The following THRAP3 variants were observed in gnomAD, a reference collection of about 807,000 sequenced individuals.
The protein encoded by THRAP3 is thyroid hormone receptor-associated protein 3.
A neutral mutation model predicts 101.0 loss-of-function variants in THRAP3; 16 were observed. The ratio of observed to expected loss-of-function variants is 0.16; its 90% CI spans 0.11 to 0.24. THRAP3 has a LOEUF of 0.24. Ranked by LOEUF, THRAP3 falls within the 10% of genes least tolerant of loss-of-function variation. THRAP3 has a pLI of 1.00. For missense variants in THRAP3, 989 were observed against 1,202.7 expected (o/e 0.82, Z 2.63); for synonymous variants, 407 against 422.6 (o/e 0.96, Z 0.45).
intron 2 of THRAP3, among the ~76,000 whole-genome samples, chr1:36,273,297 C>T (rs543683130): frequency 7.9e-4 from 121 of 152,294 alleles, no homozygotes; most frequent in African/African-American, 2.6e-3. Flanking sequence ...AGCGCAGGCT[C>T]ACATGGAGTC....
At chr1:36,263,004 G>A (rs1270800697) in intron 2 of THRAP3, among the ~76,000 whole-genome samples, 1 of 147,340 alleles carries the variant, frequency 6.8e-6, no homozygotes, top group Non-Finnish European at 1.5e-5. Context: ...TAGAGATGGG[G>A]TTTCACTGTG....
intron 1 of THRAP3, among the ~76,000 whole-genome samples, chr1:36,225,796 C>T (rs1644955860): frequency 6.6e-6 from 1 of 152,038 alleles, no homozygotes; most frequent in African/African-American, 2.4e-5. Flanking sequence ...TGTTCTTTGC[C>T]GGGAGATGTA....
chr1:36,288,987 A>G, intron 4 of THRAP3, 73 bp from the exon 5 acceptor site: 3 of 1,407,458 alleles, frequency 2.1e-6, no homozygotes, highest in Non-Finnish European at 2.8e-6. Context: ...AAAAACCAAA[A>G]ACGGTAAGGC....
intron 1 of THRAP3, among the ~76,000 whole-genome samples, chr1:36,237,468 CA>C (rs1222944821): frequency 0.062 from 3,142 of 50,954 alleles, 32 homozygotes; most frequent in Non-Finnish European, 0.087. Flanking sequence ...AACTTCATCT[CA>C]AAAAAAAAAA....
intron 1 of THRAP3, among the ~76,000 whole-genome samples, chr1:36,239,794 AT>A (rs1194376578): frequency 6.6e-6 from 1 of 152,200 alleles, no homozygotes; most frequent in Non-Finnish European, 1.5e-5. Context: ...ATTTGTTAGC[AT>A]TTGCTTAATT....
At chr1:36,301,479 A>G in intron 10 of THRAP3, 74 bp from the exon 11 acceptor site, 1 of 1,553,340 alleles carries the variant, frequency 6.4e-7, no homozygotes, top group Non-Finnish European at 8.7e-7. Flanking sequence ...AAAATGTTTG[A>G]ACAAAAAGCA....
chr1:36,264,226 G>C (rs1382119290), intron 2 of THRAP3, among the ~76,000 whole-genome samples: 1 of 152,176 alleles, frequency 6.6e-6, no homozygotes, highest in African/African-American at 2.4e-5. Flanking sequence ...TATGAAATCT[G>C]TTTACTCCCA....
At chr1:36,223,409 A>C (rs1644919253), upstream of THRAP3, among the ~76,000 whole-genome samples, 1 of 152,148 alleles carries the variant, frequency 6.6e-6, no homozygotes, top group African/African-American at 2.4e-5. Flanking sequence ...ATCAAAACTG[A>C]TCTCGGCTCT....
At chr1:36,235,837 A>T (rs1455697820) in intron 1 of THRAP3, among the ~76,000 whole-genome samples, 2 of 152,194 alleles carry the variant, frequency 1.3e-5, no homozygotes, top group African/African-American at 4.8e-5. Context: ...TGCTTATGGT[A>T]CATTCATATA....
In THRAP3 at chr1:36,268,137, G is replaced by A. The variant is rs554755102; in HGVS notation, c.-32+8653G>A. 2.6e-5 allele frequency among the ~76,000 whole-genome samples: 4 copies of A among 151,872 alleles called. No individual in the cohort carries two copies. In the South Asian group the frequency reaches 8.3e-4, roughly 32 times the overall value. ...GAAGATTGTAGTGAGCCGAGATCAT[G>A]TGCCACTGTACTCCAGCCTGGGCAA... On this transcript the variant is annotated intron_variant, in intron 2 of 11. Transcript: ENST00000354618.
intron 1 of THRAP3, among the ~76,000 whole-genome samples, chr1:36,250,842 G>T (rs558102656): frequency 6.6e-6 from 1 of 152,146 alleles, no homozygotes; most frequent in East Asian, 2.0e-4. Context: ...CACCTCCTGG[G>T]CTCAAGCGAT....
chr1:36,301,746 G>A (rs754009163), intron 11 of THRAP3, 50 bp downstream of exon 11: 1 of 1,568,682 alleles, frequency 6.4e-7, no homozygotes, highest in Non-Finnish European at 8.6e-7. Context: ...TTGACACACA[G>A]AGTAGCTGAT....
Position 36,289,295 on chromosome 1 carries a change from C to T in THRAP3, c.1276C>T (p.His426Tyr). Reference protein sequence around the residue: ...DDFEKKMADFHKEEMDDQDKD... With the variant: ...DDFEKKMADFYKEEMDDQDKD... ...CTTTGAGAAGAAGATGGCTGACTTCCACAAGGAGGAGATGGATGATCAAGA... is the reference window on the plus strand; with the variant it reads ...CTTTGAGAAGAAGATGGCTGACTTCTACAAGGAGGAGATGGATGATCAAGA... The change falls in exon 5 of 12, where the codon CAC (histidine) becomes TAC (tyrosine). Residue 426 changes from histidine to tyrosine, a missense_variant. Physicochemically the swap from His to Tyr is moderately conservative, Grantham distance 83 (BLOSUM62 2). Coordinates refer to ENST00000354618, the MANE Select transcript of THRAP3 (RefSeq NM_005119.4). The T allele has an allele frequency of 6.2e-7, 1 of 1,613,990 alleles. No homozygotes were observed. Among genetic ancestry groups the T allele is most frequent in the African/African-American group, 1.3e-5 (1 of 74,964 alleles).
At chr1:36,231,372 T>A (rs1645026073) in intron 1 of THRAP3, among the ~76,000 whole-genome samples, 1 of 152,168 alleles carries the variant, frequency 6.6e-6, no homozygotes, top group Non-Finnish European at 1.5e-5. Context: ...ATGTGTTCAG[T>A]GTACTCACTT....
At chr1:36,246,033 A>G (rs1471722326) in intron 1 of THRAP3, among the ~76,000 whole-genome samples, 1 of 152,130 alleles carries the variant, frequency 6.6e-6, no homozygotes, top group East Asian at 1.9e-4. Flanking sequence ...TATAATCTGC[A>G]TTTTACAGAT....
At position 36,287,270 on chromosome 1, in the gene THRAP3, G is replaced by T; in HGVS notation, c.1040G>T (p.Arg347Met). Reference sequence around the variant, plus strand: ...TCAGGAGGAGCAGCCTATACAAAGAGGCAAGTATCTCATTTCCCCTGCCTG... The same window carrying T: ...TCAGGAGGAGCAGCCTATACAAAGATGCAAGTATCTCATTTCCCCTGCCTG... ...AASGGAAYTK[R>M]YLEEQKTENG... Residue 347 changes from arginine (R) to methionine (M), a missense_variant and splice_region_variant, in exon 4 of 12, where the codon AGG (arginine) becomes ATG (methionine). By Grantham distance (91) the Arg-to-Met change is moderately conservative. Transcript: ENST00000354618. 2 of 1,588,536 alleles carry T rather than the reference G, an allele frequency of 1.3e-6. No homozygotes were observed. The highest frequency in any genetic ancestry group is 1.7e-6 in the Non-Finnish European group (2 of 1,166,816).
At chr1:36,303,647 G>C in intron 11 of THRAP3, 149 bp from the exon 12 acceptor site, 1 of 1,210,568 alleles carries the variant, frequency 8.3e-7, no homozygotes, top group South Asian at 1.5e-5. Context: ...TTTTGGAGTG[G>C]GGGACAGGGA....
At chr1:36,275,724 C>G (rs1645651366) in intron 2 of THRAP3, among the ~76,000 whole-genome samples, 1 of 150,974 alleles carries the variant, frequency 6.6e-6, no homozygotes, top group African/African-American at 2.4e-5. Flanking sequence ...TAGCCACATG[C>G]AAAACAACAA....
At chr1:36,261,271 G>T (rs1420668426) in intron 2 of THRAP3, among the ~76,000 whole-genome samples, 1 of 151,906 alleles carries the variant, frequency 6.6e-6, no homozygotes, top group African/African-American at 2.4e-5. Flanking sequence ...GGTGGCTCAC[G>T]CCTGTAATCC....
Sources: allele counts gnomAD v4.1 joint callset (sites outside exome capture counted in the v4.1 genomes callset), GRCh38; gene constraint gnomAD v4.1.1; transcripts MANE v1.5; gene names NCBI Gene and HGNC (gene_info 2026-07-23, HGNC 2026-07-21).